PAPPA: variants seen among roughly 807,000 people sequenced by gnomAD.
PAPPA encodes the protein pappalysin 1, also known as pappalysin-1.
Under a neutral mutation model 164.0 loss-of-function variants are expected in PAPPA, and 60 were observed. The ratio of observed to expected loss-of-function variants is 0.37; its 90% CI spans 0.30 to 0.45. The LOEUF (loss-of-function observed/expected upper bound fraction) is 0.45. Ranked by LOEUF, PAPPA falls within the 20% of genes least tolerant of loss-of-function variation. The pLI, the probability that PAPPA is intolerant of heterozygous loss-of-function variation, is 1.00. For synonymous variants in PAPPA, 875 were observed against 814.1 expected, an observed-to-expected ratio of 1.07 and a Z score of -1.27; for missense variants, 1,782 against 2,087.3, an observed-to-expected ratio of 0.85 and a Z score of 2.85.
At chr9:116,287,362 GA>G (rs1339336814) in intron 9 of PAPPA, 19 of 152,292 alleles carry the variant, frequency 1.2e-4, no homozygotes, top group African/African-American at 4.6e-4. Context: ...GCAGGTTTTT[GA>G]GAGGTTAAAC....
intron 7 of PAPPA, among the ~76,000 whole-genome samples, chr9:116,243,521 A>T (rs1844760306): frequency 6.6e-6 from 1 of 152,164 alleles, no homozygotes; most frequent in African/African-American, 2.4e-5. Flanking sequence ...CCCCCAGTTA[A>T]TAGATGCTAA....
At chr9:116,236,780 C>G (rs1350753780) in intron 7 of PAPPA, among the ~76,000 whole-genome samples, 2 of 152,028 alleles carry the variant, frequency 1.3e-5, no homozygotes, top group African/African-American at 2.4e-5. Context: ...CAACCATAGC[C>G]CTATTATTCT....
At chr9:116,269,421 G>C (rs1564205075) in intron 8 of PAPPA, among the ~76,000 whole-genome samples, 1 of 152,166 alleles carries the variant, frequency 6.6e-6, no homozygotes, top group East Asian at 1.9e-4. Flanking sequence ...CACTGTGCCA[G>C]AAACTGGGGT....
chr9:116,215,631 T>G (rs1255463672), intron 4 of PAPPA, among the ~76,000 whole-genome samples: 5 of 152,090 alleles, frequency 3.3e-5, no homozygotes, highest in African/African-American at 1.2e-4. Flanking sequence ...CAGGAAAAAT[T>G]GCTAACGGGT....
rs1845400413 is a variant in PAPPA at position 116,289,325 on chromosome 9, G to GCATATATATATGGCATATATATGC, written c.2954-13422_2954-13421insTGGCATATATATGCCATATATATA. Among the ~76,000 whole-genome samples, 8 of 70,352 alleles carry GCATATATATATGGCATATATATGC rather than the reference G, an allele frequency of 1.1e-4. 1 individual carries two copies. Among genetic ancestry groups the GCATATATATATGGCATATATATGC allele is most frequent in the South Asian group, 9.9e-4 (2 of 2,014 alleles). 46.2% of individuals were successfully genotyped at this position (70,352 alleles called of 152,430 possible). A position where few individuals can be genotyped will look rare whatever the true frequency, so the allele number is the denominator to read the frequency against. On this transcript the variant is annotated intron_variant, in intron 9 of 21. Transcript: ENST00000328252. ...ATAGCATATATATGGCATATATATG[G>GCATATATATATGGCATATATATGC]CATATATATAGCATATATATGGCAT... is the stretch of plus-strand genomic sequence containing the variant.
rs139845956 is a variant in PAPPA at position 116,344,634 on chromosome 9, G to A, written c.3703G>A (p.Gly1235Ser). 6.8e-6 allele frequency: 11 copies of A among 1,614,030 alleles called. No homozygotes were observed. The highest frequency in any genetic ancestry group is 3.3e-5 in the Admixed American group (2 of 59,998). ...TTGCTCCAGCAGCGACCGCTACCAC[G>A]GTGCCCAGTGTACTGTGAGCTGCCG... ...LNCSSSDRYHGAQCTVSCRTG... is the reference protein window; with the variant it reads ...LNCSSSDRYHSAQCTVSCRTG... The change falls in exon 14 of 22, where the codon GGT (glycine) becomes AGT (serine). Residue 1235 changes from glycine to serine, a missense_variant. Physicochemically the swap from Gly to Ser is moderately conservative, Grantham distance 56 (BLOSUM62 0). Around this residue, in one of 2 missense-constraint regions of PAPPA, gnomAD observed 1,324 missense variants for 1,656.9 expected, o/e 0.80. Coordinates refer to ENST00000328252, the MANE Select transcript of PAPPA (RefSeq NM_002581.5).
intron 4 of PAPPA, among the ~76,000 whole-genome samples, chr9:116,213,636 G>A (rs770090012): frequency 1.3e-5 from 2 of 152,110 alleles, no homozygotes; most frequent in Non-Finnish European, 2.9e-5. Flanking sequence ...GCTAGGAGCT[G>A]CCACTAGCTA....
chr9:116,170,867 C>A (rs377220743), intron 1 of PAPPA, among the ~76,000 whole-genome samples: 2 of 134,636 alleles, frequency 1.5e-5, no homozygotes, highest in African/African-American at 5.2e-5. Flanking sequence ...GTTTTTATGC[C>A]GCTGTGAGTT....
chr9:116,243,428 C>T (rs898122338), intron 7 of PAPPA, among the ~76,000 whole-genome samples: 1 of 152,080 alleles, frequency 6.6e-6, no homozygotes, highest in African/African-American at 2.4e-5. Context: ...TATAAGTCTA[C>T]CAATGGTGTT....
intron 19 of PAPPA, among the ~76,000 whole-genome samples, chr9:116,372,778 A>T (rs1010781046): frequency 6.6e-6 from 1 of 152,202 alleles, no homozygotes; most frequent in Non-Finnish European, 1.5e-5. Context: ...ATTGCCATTT[A>T]TTGACTATCT....
At position 116,154,656 on chromosome 9, in the gene PAPPA, G is replaced by T; in HGVS notation, c.415+69G>T. On this transcript the variant is annotated intron_variant, in intron 1 of 21. Coordinates refer to ENST00000328252, the MANE Select transcript of PAPPA (RefSeq NM_002581.5). The surrounding 1 kb of genome is among the most constrained non-coding windows in gnomAD (Gnocchi z 5.2). The stretch of plus-strand genomic sequence containing the variant: ...CCCAGAGGCTCGCGGGTGTCTGGGC[G>T]CGGGTGGCGGGCGGGTCGGGGGCTT... 8.0e-7 allele frequency: 1 copy of T among 1,255,498 alleles called. No individual in the cohort carries two copies. Among genetic ancestry groups the T allele is most frequent in the Non-Finnish European group, 1.0e-6 (1 of 999,512 alleles). 77.8% of individuals were successfully genotyped at this position (1,255,498 alleles called of 1,614,324 possible).
chr9:116,253,787 G>A (rs1163229650), intron 7 of PAPPA, among the ~76,000 whole-genome samples: 1 of 152,006 alleles, frequency 6.6e-6, no homozygotes, highest in East Asian at 1.9e-4. Flanking sequence ...CAGTAAAGAA[G>A]GACATTTTGT....
At chr9:116,348,543 T>C (rs562845478) in intron 15 of PAPPA, among the ~76,000 whole-genome samples, 13 of 152,234 alleles carry the variant, frequency 8.5e-5, no homozygotes, top group African/African-American at 2.9e-4. Flanking sequence ...AGGTTTGTTA[T>C]ATAGGTAAAT....
intron 19 of PAPPA, among the ~76,000 whole-genome samples, chr9:116,371,301 C>T (rs1846570619): frequency 6.6e-6 from 1 of 152,262 alleles, no homozygotes; most frequent in South Asian, 2.1e-4. Flanking sequence ...CCTGTAATCC[C>T]AGCTACTCGG....
chr9:116,263,769 T>C (rs1845031142), intron 7 of PAPPA, among the ~76,000 whole-genome samples: 2 of 152,252 alleles, frequency 1.3e-5, no homozygotes, highest in East Asian at 1.9e-4. Context: ...TTGATATTTA[T>C]TGAGGAAAAG....
chr9:116,395,005 G>A (rs1018555911), intron 21 of PAPPA, among the ~76,000 whole-genome samples: 17 of 152,130 alleles, frequency 1.1e-4, no homozygotes, highest in African/African-American at 3.6e-4. Flanking sequence ...GAGAGGGAGC[G>A]GGAGAGAGAA....
rs1843579940 is a variant in PAPPA, at chr9:116,154,676, G to A, written c.415+89G>A. On this transcript the variant is annotated intron_variant, in intron 1 of 21. Coordinates refer to ENST00000328252, the MANE Select transcript of PAPPA (RefSeq NM_002581.5). This position sits in a 1 kb window ranked among gnomAD's most constrained non-coding sequence, Gnocchi z 5.2. ...TGGGCGCGGGTGGCGGGCGGGTCGG[G>A]GGCTTGCGGGCGTGTCTGTGCGAGA... is the stretch of plus-strand genomic sequence containing the variant. The A allele has an allele frequency of 1.6e-6, 2 of 1,239,086 alleles. No individual in the cohort carries two copies. The allele number at this position is 1,239,086 out of a possible 1,614,324, so 76.8% of individuals were successfully genotyped here. A position where few individuals can be genotyped will look rare whatever the true frequency, so the allele number is the denominator to read the frequency against.
At chr9:116,340,821 G>A (rs1361587981) in intron 13 of PAPPA, among the ~76,000 whole-genome samples, 1 of 152,086 alleles carries the variant, frequency 6.6e-6, no homozygotes, top group South Asian at 2.1e-4. Context: ...AAAACTAACT[G>A]GTTTCATTAA....
chr9:116,303,998 G>GT (rs1158900296), intron 10 of PAPPA, among the ~76,000 whole-genome samples: 2 of 152,154 alleles, frequency 1.3e-5, no homozygotes, highest in African/African-American at 2.4e-5. Context: ...GAAACAAATG[G>GT]TAACATGGCA....
Sources: allele counts gnomAD v4.1 joint callset (sites outside exome capture counted in the v4.1 genomes callset), GRCh38; gene constraint gnomAD v4.1.1; regional missense constraint gnomAD v4.1.1; non-coding constraint Gnocchi (gnomAD v3.1); transcripts MANE v1.5; gene names NCBI Gene and HGNC (gene_info 2026-07-23, HGNC 2026-07-21).